The following WWOX variants were observed in gnomAD, a reference collection of about 807,000 sequenced individuals.
The protein encoded by WWOX is WW domain containing oxidoreductase, also known as WW domain-containing oxidoreductase.
A neutral mutation model predicts 46.2 loss-of-function variants in WWOX; 69 were observed. That is an observed-to-expected ratio of 1.49 (90% CI 1.23 to 1.82). The LOEUF (loss-of-function observed/expected upper bound fraction) is 1.82, where lower values mean the gene tolerates loss of function less well. Among genes scored for constraint, WWOX ranks in the 40% most tolerant of loss-of-function variants. The pLI is 0.00. For synonymous variants in WWOX, 359 were observed against 202.6 expected (o/e 1.77, Z -6.56); for missense variants, 919 against 542.6 (o/e 1.69, Z -6.89).
chr16:78,265,072 C>T (rs1411439991), intron 5 of WWOX, among the ~76,000 whole-genome samples: 1 of 149,178 alleles, frequency 6.7e-6, no homozygotes, highest in Non-Finnish European at 1.5e-5. Flanking sequence ...ACGATCTCAG[C>T]TCACTCCAAC....
intron 8 of WWOX, among the ~76,000 whole-genome samples, chr16:78,780,024 G>A (rs2050285071): frequency 6.6e-6 from 1 of 152,192 alleles, no homozygotes; most frequent in African/African-American, 2.4e-5. Context: ...GTCAATGGCA[G>A]TACCCAGTAG....
chr16:79,002,461 G>A (rs1158165958), intron 8 of WWOX, among the ~76,000 whole-genome samples: 1 of 152,024 alleles, frequency 6.6e-6, no homozygotes, highest in Non-Finnish European at 1.5e-5. Context: ...GACCTCAGGT[G>A]ATCCACCTGC....
chr16:78,552,223 T>C (rs1018953986), intron 8 of WWOX: 1 of 152,148 alleles, frequency 6.6e-6, no homozygotes, highest in African/African-American at 2.4e-5. Flanking sequence ...AAGATGATAC[T>C]TGTAATGCCG....
chr16:78,708,493 G>C (rs1001175161), intron 8 of WWOX, among the ~76,000 whole-genome samples: 1 of 152,144 alleles, frequency 6.6e-6, no homozygotes, highest in South Asian at 2.1e-4. Context: ...AAATGACTCT[G>C]TATCAAGCGT....
At chr16:78,631,393 T>A (rs1426465110) in intron 8 of WWOX, among the ~76,000 whole-genome samples, 1 of 152,130 alleles carries the variant, frequency 6.6e-6, no homozygotes, top group African/African-American at 2.4e-5. Flanking sequence ...AAACTGACGA[T>A]CATCAAGATA....
At chr16:78,564,439 A>G (rs540017056) in intron 8 of WWOX, among the ~76,000 whole-genome samples, 1 of 152,306 alleles carries the variant, frequency 6.6e-6, no homozygotes, top group South Asian at 2.1e-4. Flanking sequence ...GTTATATGCT[A>G]CAGGGATATT....
intron 8 of WWOX, among the ~76,000 whole-genome samples, chr16:78,458,954 T>A (rs1177966688): frequency 2.0e-5 from 3 of 152,156 alleles, no homozygotes; most frequent in Non-Finnish European, 4.4e-5. Flanking sequence ...CAGCATTTAA[T>A]TTACTTCCGT....
At position 78,343,133 on chromosome 16, in the gene WWOX, G is replaced by C. The variant is rs949419227; in HGVS notation, c.517-43727G>C. Among the ~76,000 whole-genome samples, 4 of 120,044 alleles carry C rather than the reference G, an allele frequency of 3.3e-5. 2 individuals are homozygous for C. Among genetic ancestry groups the C allele is most frequent in the Non-Finnish European group, 7.9e-5 (4 of 50,412 alleles). The allele number at this position is 120,044 out of a possible 152,430, so 78.8% of individuals were successfully genotyped here. Reference sequence around the variant, plus strand: ...TCAACATAAGCCTCATGAGACAACAGCAGGATGCAAGATTGTACAATGACA... The same window carrying C: ...TCAACATAAGCCTCATGAGACAACACCAGGATGCAAGATTGTACAATGACA... On this transcript the variant is annotated intron_variant, in intron 5 of 8. Coordinates refer to ENST00000566780, the MANE Select transcript of WWOX (RefSeq NM_016373.4).
chr16:78,701,056 T>A (rs906317329), intron 8 of WWOX, among the ~76,000 whole-genome samples: 2 of 152,056 alleles, frequency 1.3e-5, no homozygotes, highest in African/African-American at 2.4e-5. Context: ...TTGGGCACGT[T>A]TTTCAACCTC....
chr16:79,052,186 CCCTT>C, intron 8 of WWOX, among the ~76,000 whole-genome samples: 2 of 151,798 alleles, frequency 1.3e-5, no homozygotes, highest in Non-Finnish European at 2.9e-5. Flanking sequence ...CTATCCCTCC[CCCTT>C]CCCCCCACCC....
Position 78,698,039 on chromosome 16 carries a change from T to G in WWOX, c.1056+265287T>G, listed in dbSNP as rs556683538. Reference sequence around the variant, plus strand: ...TATACTATGTGTTTCAAAGGGCTTATAAATTATAAATGCTACTTAAAATGA... The same window carrying G: ...TATACTATGTGTTTCAAAGGGCTTAGAAATTATAAATGCTACTTAAAATGA... On this transcript the variant is annotated intron_variant, in intron 8 of 8. Transcript: ENST00000566780. 4.6e-5 allele frequency among the ~76,000 whole-genome samples: 7 copies of G among 152,342 alleles called. No individual in the cohort carries two copies. The South Asian group carries it at 1.4e-3, about 32-fold the overall frequency.
chr16:79,059,525 C>G (rs935232338), intron 8 of WWOX, among the ~76,000 whole-genome samples: 3 of 152,162 alleles, frequency 2.0e-5, no homozygotes, highest in Admixed American at 1.3e-4. Flanking sequence ...GAGTCTTGCC[C>G]TGTTGCCCTG....
intron 8 of WWOX, among the ~76,000 whole-genome samples, chr16:78,613,961 A>G (rs2045959497): frequency 6.6e-6 from 1 of 152,196 alleles, no homozygotes; most frequent in Non-Finnish European, 1.5e-5. Flanking sequence ...ACGTACTGCG[A>G]TGGCTGCTTT....
intron 8 of WWOX, among the ~76,000 whole-genome samples, chr16:78,770,545 C>G (rs1463619346): frequency 6.6e-6 from 1 of 152,096 alleles, no homozygotes; most frequent in African/African-American, 2.4e-5. Context: ...AAAGGTGGGA[C>G]TCACTGGGAA....
At chr16:78,593,256 G>C (rs2045393657) in intron 8 of WWOX, among the ~76,000 whole-genome samples, 1 of 151,896 alleles carries the variant, frequency 6.6e-6, no homozygotes, top group African/African-American at 2.4e-5. Context: ...GCCCAGACTG[G>C]TCTTAAACTC....
chr16:78,492,597 ATCACTGTTTCTCCTCCTT>A (rs2084810644), intron 8 of WWOX, among the ~76,000 whole-genome samples: 1 of 152,326 alleles, frequency 6.6e-6, no homozygotes, highest in African/African-American at 2.4e-5. Flanking sequence ...TATTCATGGA[ATCACTGTTTCTCCTCCTT>A]TTCAAAGAAG....
intron 8 of WWOX, chr16:79,106,057 A>C (rs960306957): frequency 6.6e-6 from 1 of 152,188 alleles, no homozygotes; most frequent in African/African-American, 2.4e-5. Context: ...TTTCAGTAAT[A>C]AGTTCGAAGC....
intron 8 of WWOX, among the ~76,000 whole-genome samples, chr16:78,467,465 G>A (rs574499723): frequency 1.8e-4 from 27 of 152,248 alleles, no homozygotes; most frequent in African/African-American, 5.3e-4. Flanking sequence ...GTAGACTAAG[G>A]CAGGATCAAA....
rs1044593770 is a variant in WWOX at position 78,734,576 on chromosome 16, C to A, written c.1056+301824C>A. 2.6e-5 allele frequency among the ~76,000 whole-genome samples: 4 copies of A among 152,100 alleles called. No homozygotes were observed. In the South Asian group the frequency reaches 8.3e-4, roughly 32 times the overall value. ...GAGAGCAGAGCTGGTTTATGTGTAACTGAACCTGATGGTTAGTTTCCTGTT... is the reference window on the plus strand; with the variant it reads ...GAGAGCAGAGCTGGTTTATGTGTAAATGAACCTGATGGTTAGTTTCCTGTT... On this transcript the variant is annotated intron_variant, in intron 8 of 8. Transcript: ENST00000566780.
Sources: gnomAD v4.1 joint callset for allele counts (sites outside exome capture counted in the v4.1 genomes callset) on GRCh38, gnomAD v4.1.1 for gene constraint, MANE v1.5 for transcripts, NCBI Gene and HGNC (gene_info 2026-07-23, HGNC 2026-07-21) for gene names.